DCLRE1C: variants seen among roughly 807,000 people sequenced by gnomAD.
DCLRE1C encodes the protein DNA cross-link repair 1C.
In DCLRE1C, 47 loss-of-function variants were observed where a neutral mutation model predicts 61.4. That is an observed-to-expected ratio of 0.77 (90% CI 0.61 to 0.98). The LOEUF is 0.98. Ranked by LOEUF, DCLRE1C falls within the 50% of genes least tolerant of loss-of-function variation. The probability of loss-of-function intolerance (pLI) is 0.00; values close to 1 mark genes in which losing one functional copy is unlikely to be tolerated. For synonymous variants in DCLRE1C, 337 were observed against 287.6 expected, an observed-to-expected ratio of 1.17 and a Z score of -1.74; for missense variants, 858 against 816.0, an observed-to-expected ratio of 1.05 and a Z score of -0.63.
chr10:14,925,250 T>TAAAAAAAAAAAAAAAAAA (rs1588999380), intron 11 of DCLRE1C, among the ~76,000 whole-genome samples: 1 of 104,080 alleles, frequency 9.6e-6, no homozygotes. Context: ...AAAAAAAAAG[T>TAAAAAAAAAAAAAAAAAA]AAAGTCAAGC....
chr10:14,940,266 G>A (rs941383860), intron 3 of DCLRE1C, among the ~76,000 whole-genome samples: 3 of 150,364 alleles, frequency 2.0e-5, no homozygotes, highest in African/African-American at 7.3e-5. Context: ...TCTGTGACAT[G>A]GATGCTTCAT....
In DCLRE1C at chr10:14,919,675, G is replaced by C. The variant is rs548992987; in HGVS notation, c.1156+63C>G. 9.9e-6 allele frequency: 13 copies of C among 1,313,310 alleles called. No homozygotes were observed. The South Asian group carries it at 1.2e-4, about 12-fold the overall frequency. 81.4% of individuals were successfully genotyped at this position (1,313,310 alleles called of 1,614,324 possible). ...CCAAGGCCACTTCTCCCAGACCCAAGCTCCCTGGAAAGCAGTGTTTGCAGG... is the reference window on the plus strand; with the variant it reads ...CCAAGGCCACTTCTCCCAGACCCAACCTCCCTGGAAAGCAGTGTTTGCAGG... On this transcript the variant is annotated intron_variant, in intron 13 of 13. Coordinates refer to ENST00000378278, the MANE Select transcript of DCLRE1C (RefSeq NM_001033855.3).
intron 13 of DCLRE1C, 99 bp downstream of exon 13, chr10:14,919,639 G>A (rs1836769866): frequency 8.9e-6 from 8 of 898,994 alleles, no homozygotes; most frequent in Non-Finnish European, 1.5e-5. Context: ...TGGGTCCCAG[G>A]TCCACTCTGC....
chr10:14,902,688 T>G, downstream of DCLRE1C: 1 of 483,468 alleles, frequency 2.1e-6, no homozygotes, highest in Non-Finnish European at 3.7e-6. Context: ...GGTCACTGGG[T>G]CTCATAGACT....
intron 11 of DCLRE1C, among the ~76,000 whole-genome samples, chr10:14,924,360 A>C (rs1837607381): frequency 6.6e-6 from 1 of 152,264 alleles, no homozygotes; most frequent in South Asian, 2.1e-4. Flanking sequence ...AATGCTAAAC[A>C]GAGGAACTCT....
chr10:14,917,152 T>C (rs1007391821), intron 13 of DCLRE1C, among the ~76,000 whole-genome samples: 2 of 152,338 alleles, frequency 1.3e-5, no homozygotes, highest in African/African-American at 4.8e-5. Flanking sequence ...TGAATTAAGA[T>C]AGTGTTTCCA....
chr10:14,901,409 C>A, downstream of DCLRE1C: 4 of 1,016,394 alleles, frequency 3.9e-6, no homozygotes, highest in Non-Finnish European at 5.7e-6. Context: ...AGGTACAAAG[C>A]TAATCCAACA....
intron 4 of DCLRE1C, among the ~76,000 whole-genome samples, chr10:14,937,325 A>G (rs1342574392): frequency 3.9e-5 from 5 of 128,450 alleles, no homozygotes; most frequent in Admixed American, 3.0e-4. Context: ...TCACTCTGTC[A>G]CCCAGGCTGG....
chr10:14,946,399 AC>A (rs1484522450), intron 2 of DCLRE1C, among the ~76,000 whole-genome samples: 3 of 152,156 alleles, frequency 2.0e-5, no homozygotes, highest in African/African-American at 7.2e-5. Context: ...CCACACAATG[AC>A]ATACACCATC....
intron 3 of DCLRE1C, among the ~76,000 whole-genome samples, chr10:14,943,135 A>C (rs1841141805): frequency 6.6e-6 from 1 of 152,116 alleles, no homozygotes; most frequent in Non-Finnish European, 1.5e-5. Context: ...AAAAAGGAAA[A>C]AAAAAAGTAA....
chr10:14,912,811 A>G (rs1356767934), intron 13 of DCLRE1C, among the ~76,000 whole-genome samples: 1 of 152,092 alleles, frequency 6.6e-6, no homozygotes, highest in East Asian at 1.9e-4. Context: ...CTGCCCTAAT[A>G]GCTGGGACTA....
At chr10:14,948,966 A>G in intron 2 of DCLRE1C, 70 bp downstream of exon 2, 4 of 1,075,178 alleles carry the variant, frequency 3.7e-6, no homozygotes, top group Non-Finnish European at 2.9e-6. Context: ...GGATGTATAT[A>G]CTTTTCTGTA....
intron 3 of DCLRE1C, 151 bp from the exon 4 acceptor site, chr10:14,940,020 T>C (rs1304227505): frequency 1.6e-6 from 1 of 620,200 alleles, no homozygotes; most frequent in Admixed American, 3.1e-5. Context: ...TTTTAACAGT[T>C]AGAAAAAATT....
chr10:14,952,921 C>T (rs1401886258), intron 1 of DCLRE1C, among the ~76,000 whole-genome samples: 4 of 152,212 alleles, frequency 2.6e-5, no homozygotes, highest in Non-Finnish European at 5.9e-5. Context: ...CTGGCCTTCA[C>T]ACCAACCCTG....
At chr10:14,950,798 G>A (rs1250265334) in intron 1 of DCLRE1C, among the ~76,000 whole-genome samples, 1 of 152,196 alleles carries the variant, frequency 6.6e-6, no homozygotes, top group Non-Finnish European at 1.5e-5. Flanking sequence ...CTTCCAGCTG[G>A]TAGTCACAAG....
chr10:14,934,740 G>A lies in DCLRE1C; in HGVS notation c.500C>T (p.Thr167Met), dbSNP rs149556109. The A allele has an allele frequency of 4.3e-6, 7 of 1,613,702 alleles. No homozygotes were observed. The highest frequency in any genetic ancestry group is 4.0e-5 in the African/African-American group (3 of 74,896). The change falls in exon 7 of 14, where the codon ACG becomes ATG. Residue 167 changes from threonine (T) to methionine (M), a missense_variant. Thr to Met is a moderately conservative substitution (Grantham distance 81). Around this residue, in one of 2 missense-constraint regions of DCLRE1C, gnomAD observed 843 missense variants for 783.5 expected, o/e 1.08. Transcript: ENST00000378278. The part of the protein sequence containing the change: ...KDIQSVYLDT[T>M]FCDPRFYQIP... ...TTGGTAAAATCTTGGATCACAGAAC[G>A]TAGTATCCAAATATACACTTTGGAT...
chr10:14,939,404 A>G (rs1840500506), intron 4 of DCLRE1C, among the ~76,000 whole-genome samples: 1 of 149,980 alleles, frequency 6.7e-6, no homozygotes, highest in Non-Finnish European at 1.5e-5. Flanking sequence ...AGATCACACC[A>G]CTGCACTCCA....
At chr10:14,920,914 T>G (rs993105654) in intron 12 of DCLRE1C, among the ~76,000 whole-genome samples, 6 of 150,322 alleles carry the variant, frequency 4.0e-5, no homozygotes, top group African/African-American at 1.5e-4. Flanking sequence ...ACCCAAGAGG[T>G]GGAGTTTGCA....
intron 11 of DCLRE1C, among the ~76,000 whole-genome samples, chr10:14,924,641 G>A (rs548931324): frequency 3.2e-4 from 48 of 152,198 alleles, no homozygotes; most frequent in African/African-American, 9.9e-4. Context: ...AAGGTCAGGA[G>A]TTCGAGACCA....
Sources: allele counts gnomAD v4.1 joint callset (sites outside exome capture counted in the v4.1 genomes callset), GRCh38; gene constraint gnomAD v4.1.1; regional missense constraint gnomAD v4.1.1; transcripts MANE v1.5; gene names NCBI Gene and HGNC (gene_info 2026-07-23, HGNC 2026-07-21).